Variants in NBEA observed in about 807,000 individuals in gnomAD.
NBEA encodes the protein neurobeachin.
Under a neutral mutation model 343.4 loss-of-function variants are expected in NBEA, and 44 were observed. The observed-to-expected ratio is 0.13, with a 90% confidence interval of 0.10 to 0.16. The LOEUF (loss-of-function observed/expected upper bound fraction) is 0.16. Ranked by LOEUF, NBEA falls within the 10% of genes least tolerant of loss-of-function variation. The pLI, the probability that NBEA is intolerant of heterozygous loss-of-function variation, is 1.00. For synonymous variants in NBEA, 1,175 were observed against 1,238.7 expected, an observed-to-expected ratio of 0.95 and a Z score of 1.08; for missense variants, 2,555 against 3,631.3, an observed-to-expected ratio of 0.70 and a Z score of 7.62.
chr13:35,272,104 G>A (rs1465794224), intron 34 of NBEA, among the ~76,000 whole-genome samples: 1 of 152,160 alleles, frequency 6.6e-6, no homozygotes, highest in Admixed American at 6.5e-5. Context: ...GGCAGCCAGA[G>A]AGAAAGGTTG....
At chr13:35,563,115 A>ATG (rs150677214) in intron 44 of NBEA, among the ~76,000 whole-genome samples, 239 of 139,940 alleles carry the variant, frequency 1.7e-3, no homozygotes, top group Non-Finnish European at 2.7e-3. Flanking sequence ...AATAAAGTGT[A>ATG]TGTGTGTGTG....
intron 1 of NBEA, among the ~76,000 whole-genome samples, chr13:35,029,214 A>T (rs932837884): frequency 6.6e-6 from 1 of 151,310 alleles, no homozygotes; most frequent in Non-Finnish European, 1.5e-5. Context: ...ATGTGTTTAT[A>T]TAATGATATA....
chr13:35,117,342 C>A (rs2066550790), intron 13 of NBEA, 72 bp from the exon 14 acceptor site: 1 of 665,108 alleles, frequency 1.5e-6, no homozygotes, highest in Non-Finnish European at 2.2e-6. Flanking sequence ...CCATAGTATC[C>A]CAAGATAATT....
intron 33 of NBEA, among the ~76,000 whole-genome samples, chr13:35,229,873 A>G (rs2074873039): frequency 6.6e-6 from 1 of 152,152 alleles, no homozygotes; most frequent in African/African-American, 2.4e-5. Context: ...GGAATCTGTA[A>G]AAAGCAACAA....
intron 11 of NBEA, among the ~76,000 whole-genome samples, chr13:35,099,975 T>G (rs1432874293): frequency 2.0e-5 from 3 of 152,182 alleles, no homozygotes; most frequent in Non-Finnish European, 4.4e-5. Flanking sequence ...TCTATAATAT[T>G]CAGCTGCTCT....
chr13:34,978,813 G>A (rs2060263927), intron 1 of NBEA, among the ~76,000 whole-genome samples: 1 of 152,182 alleles, frequency 6.6e-6, no homozygotes, highest in Non-Finnish European at 1.5e-5. Flanking sequence ...TTTTACTGAT[G>A]AGTTGTGGAC....
chr13:35,576,969 A>G (rs566911839), intron 45 of NBEA, among the ~76,000 whole-genome samples: 1 of 152,330 alleles, frequency 6.6e-6, no homozygotes, highest in East Asian at 1.9e-4. Context: ...TAAAATAAAA[A>G]TTTGATTAGC....
At chr13:34,987,593 C>T (rs1193750434) in intron 1 of NBEA, among the ~76,000 whole-genome samples, 1 of 150,854 alleles carries the variant, frequency 6.6e-6, no homozygotes, top group African/African-American at 2.4e-5. Context: ...GAGTATTTTC[C>T]AACTTGGTTC....
chr13:35,294,899 C>T (rs2036021366), intron 35 of NBEA, among the ~76,000 whole-genome samples: 1 of 151,632 alleles, frequency 6.6e-6, no homozygotes, highest in East Asian at 1.9e-4. Flanking sequence ...GCTGAAGAAA[C>T]AGCCTGAGCC....
intron 41 of NBEA, among the ~76,000 whole-genome samples, chr13:35,523,057 C>T (rs2077793835): frequency 6.6e-6 from 1 of 152,092 alleles, no homozygotes; most frequent in Admixed American, 6.5e-5. Flanking sequence ...AGATGAGTCC[C>T]AAATGTTTAG....
At chr13:35,073,405 T>C (rs560078041) in intron 10 of NBEA, among the ~76,000 whole-genome samples, 1 of 152,312 alleles carries the variant, frequency 6.6e-6, no homozygotes, top group East Asian at 1.9e-4. Flanking sequence ...TGACTGAAAG[T>C]TGCAATACTG....
At chr13:35,208,902 G>A (rs758104126) in intron 32 of NBEA, 48 bp downstream of exon 32, 5 of 1,318,848 alleles carry the variant, frequency 3.8e-6, no homozygotes, top group Admixed American at 5.6e-5. Context: ...TATGTTTTCT[G>A]TATCATTTTT....
intron 48 of NBEA, among the ~76,000 whole-genome samples, chr13:35,608,361 C>T (rs1050278903): frequency 1.4e-4 from 21 of 152,134 alleles, no homozygotes; most frequent in African/African-American, 5.1e-4. Flanking sequence ...ACTTATATTT[C>T]AGTAATATAT....
chr13:35,323,491 C>A (rs1009803701), intron 36 of NBEA, among the ~76,000 whole-genome samples: 1 of 147,510 alleles, frequency 6.8e-6, no homozygotes, highest in Non-Finnish European at 1.5e-5. Context: ...CACATATTCT[C>A]ACTCATAGGT....
chr13:35,525,359 C>T (rs1008429041), intron 41 of NBEA, among the ~76,000 whole-genome samples: 1 of 152,126 alleles, frequency 6.6e-6, no homozygotes, highest in African/African-American at 2.4e-5. Context: ...TGAGACCAGC[C>T]TGGCCAACAT....
intron 22 of NBEA, 25 bp from the exon 23 acceptor site, chr13:35,161,725 A>G (rs776442855): frequency 3.9e-5 from 62 of 1,570,560 alleles, no homozygotes; most frequent in Non-Finnish European, 4.0e-5. Flanking sequence ...TGTATTCCAC[A>G]AAAGTTCATC....
intron 10 of NBEA, among the ~76,000 whole-genome samples, chr13:35,082,940 A>C (rs925052119): frequency 3.3e-5 from 5 of 152,202 alleles, no homozygotes; most frequent in African/African-American, 1.2e-4. Flanking sequence ...CCATTTGTCA[A>C]TTTTGGCTTT....
intron 34 of NBEA, among the ~76,000 whole-genome samples, chr13:35,234,510 T>A (rs534493107): frequency 6.6e-6 from 1 of 152,240 alleles, no homozygotes; most frequent in East Asian, 1.9e-4. Context: ...TAAAAACCAA[T>A]AATTAAAATT....
At chr13:34,972,818 C>T (rs1337265594) in intron 1 of NBEA, among the ~76,000 whole-genome samples, 1 of 152,112 alleles carries the variant, frequency 6.6e-6, no homozygotes, top group African/African-American at 2.4e-5. Flanking sequence ...TGTTCATATT[C>T]TGAATTCTAC....
Sources: gnomAD v4.1 joint callset for allele counts (sites outside exome capture counted in the v4.1 genomes callset) on GRCh38, gnomAD v4.1.1 for gene constraint, MANE v1.5 for transcripts, NCBI Gene and HGNC (gene_info 2026-07-23, HGNC 2026-07-21) for gene names.